The following CDKL4 variants were observed in gnomAD, a reference collection of about 807,000 sequenced individuals.
The protein encoded by CDKL4 is cyclin-dependent kinase-like 4.
Under a neutral mutation model 42.0 loss-of-function variants are expected in CDKL4, and 44 were observed. The ratio of observed to expected loss-of-function variants is 1.05; its 90% CI spans 0.82 to 1.35. CDKL4 has a LOEUF of 1.35. Ranked by LOEUF, CDKL4 falls within the 40% of genes most tolerant of loss-of-function variation. The probability of loss-of-function intolerance (pLI) is 0.00; values close to 1 mark genes in which losing one functional copy is unlikely to be tolerated. For missense variants in CDKL4, 393 were observed against 369.9 expected (o/e 1.06, Z -0.51); for synonymous variants, 120 against 121.6 (o/e 0.99, Z 0.09).
At chr2:39,176,257 A>G (rs1675162397) in intron 9 of CDKL4, among the ~76,000 whole-genome samples, 161 bp from the exon 10 acceptor site, 1 of 152,200 alleles carries the variant, frequency 6.6e-6, no homozygotes, top group African/African-American at 2.4e-5. Context: ...AAAAATTGAG[A>G]TTCTCTGATA....
At chr2:39,176,587 C>T (rs1476550304) in intron 9 of CDKL4, among the ~76,000 whole-genome samples, 1 of 152,166 alleles carries the variant, frequency 6.6e-6, no homozygotes, top group Non-Finnish European at 1.5e-5. Context: ...GTGTGAGCCA[C>T]CATGCCCAGC....
At chr2:39,220,976 C>CTTTTTTTTTTTTTTTTTTTTTTGTTT (rs1678290106) in intron 3 of CDKL4, among the ~76,000 whole-genome samples, 1 of 49,146 alleles carries the variant, frequency 2.0e-5, no homozygotes, top group African/African-American at 7.3e-5. Context: ...CATCGACGAT[C>CTTTTTTTTTTTTTTTTTTTTTTGTTT]TTTTTTTTTT....
chr2:39,185,148 GTATA>G (rs761361219), intron 7 of CDKL4, among the ~76,000 whole-genome samples: 1 of 129,612 alleles, frequency 7.7e-6, no homozygotes, highest in African/African-American at 2.9e-5. Context: ...ATATATATGT[GTATA>G]TATATACACA....
At chr2:39,171,273 AT>A (rs1249179809), downstream of CDKL4, among the ~76,000 whole-genome samples, 1 of 151,988 alleles carries the variant, frequency 6.6e-6, no homozygotes. Context: ...TAACCTTAAT[AT>A]TGTGGTTGGG....
chr2:39,239,596 A>G (rs1679548849), intron 1 of CDKL4, among the ~76,000 whole-genome samples: 1 of 152,260 alleles, frequency 6.6e-6, no homozygotes, highest in African/African-American at 2.4e-5. Context: ...TACTAAGCAC[A>G]TGAAAGGATG....
chr2:39,209,900 A>G (rs1015625255), intron 4 of CDKL4, among the ~76,000 whole-genome samples: 1 of 152,222 alleles, frequency 6.6e-6, no homozygotes, highest in Non-Finnish European at 1.5e-5. Flanking sequence ...AAGCATTTTA[A>G]TTATAGATAA....
At chr2:39,175,282 G>C (rs1675119480), downstream of CDKL4, among the ~76,000 whole-genome samples, 1 of 152,218 alleles carries the variant, frequency 6.6e-6, no homozygotes, top group Non-Finnish European at 1.5e-5. Context: ...ATAAGGAATG[G>C]TGATATAGCA....
At chr2:39,177,042 G>A (rs1675194358) in intron 9 of CDKL4, among the ~76,000 whole-genome samples, 1 of 152,132 alleles carries the variant, frequency 6.6e-6, no homozygotes, top group Non-Finnish European at 1.5e-5. Flanking sequence ...GAGGTGGATA[G>A]AATGCAGTTT....
At chr2:39,203,721 T>C (rs1676990959) in intron 5 of CDKL4, among the ~76,000 whole-genome samples, 2 of 152,236 alleles carry the variant, frequency 1.3e-5, no homozygotes, top group Non-Finnish European at 1.5e-5. Context: ...CATGGTACTA[T>C]GTGCCGCGTT....
intron 1 of CDKL4, among the ~76,000 whole-genome samples, chr2:39,234,377 T>C (rs1199129284): frequency 2.0e-5 from 3 of 151,888 alleles, no homozygotes; most frequent in African/African-American, 4.8e-5. Flanking sequence ...CAAGTGAAAA[T>C]TTGATTGGGG....
At chr2:39,177,584 T>C (rs1461962517) in intron 9 of CDKL4, among the ~76,000 whole-genome samples, 1 of 151,408 alleles carries the variant, frequency 6.6e-6, no homozygotes, top group African/African-American at 2.4e-5. Flanking sequence ...TTTGTATTTT[T>C]AGTAGAGATG....
chr2:39,224,193 T>G (rs541456192), intron 3 of CDKL4, among the ~76,000 whole-genome samples: 1 of 152,092 alleles, frequency 6.6e-6, no homozygotes, highest in African/African-American at 2.4e-5. Flanking sequence ...TCAAAGGGAG[T>G]CTCTTAAACT....
chr2:39,226,852 C>G (rs1393989375), intron 2 of CDKL4, among the ~76,000 whole-genome samples: 2 of 151,886 alleles, frequency 1.3e-5, no homozygotes, highest in African/African-American at 4.8e-5. Flanking sequence ...CTACAACCTC[C>G]GCCTCCTGGT....
intron 1 of CDKL4, among the ~76,000 whole-genome samples, chr2:39,243,596 G>C (rs566069449): frequency 6.6e-6 from 1 of 152,358 alleles, no homozygotes; most frequent in Non-Finnish European, 1.5e-5. Context: ...GCCATAGGTA[G>C]GCCTCCGCCT....
chr2:39,226,864 C>T (rs1297439102), intron 2 of CDKL4, among the ~76,000 whole-genome samples: 1 of 151,826 alleles, frequency 6.6e-6, no homozygotes, highest in Non-Finnish European at 1.5e-5. Flanking sequence ...CCTCCTGGTT[C>T]CAAGTGATGC....
intron 6 of CDKL4, among the ~76,000 whole-genome samples, chr2:39,188,079 A>AAAAC (rs199769008): frequency 1.0e-3 from 155 of 152,118 alleles, no homozygotes; most frequent in Non-Finnish European, 1.8e-3. Flanking sequence ...AAAACAAAAC[A>AAAAC]AAACAAACAA....
At chr2:39,209,466 G>A (rs1367699263) in intron 4 of CDKL4, among the ~76,000 whole-genome samples, 1 of 152,200 alleles carries the variant, frequency 6.6e-6, no homozygotes, top group Non-Finnish European at 1.5e-5. Flanking sequence ...TAGGGTAAAA[G>A]AGAACCAAAT....
intron 5 of CDKL4, among the ~76,000 whole-genome samples, chr2:39,202,711 G>A (rs1377037698): frequency 1.3e-5 from 2 of 152,084 alleles, no homozygotes; most frequent in South Asian, 2.1e-4. Flanking sequence ...TATAATGTAA[G>A]GTAAAGGTCC....
chr2:39,209,317 GAAA>G (rs11372337), intron 4 of CDKL4, among the ~76,000 whole-genome samples: 2 of 137,286 alleles, frequency 1.5e-5, no homozygotes, highest in Non-Finnish European at 1.5e-5. Context: ...GTCTCAGGAA[GAAA>G]AAAAAAAAAA....
Sources: allele counts gnomAD v4.1 joint callset (sites outside exome capture counted in the v4.1 genomes callset), GRCh38; gene constraint gnomAD v4.1.1; transcripts MANE v1.5; gene names NCBI Gene and HGNC (gene_info 2026-07-23, HGNC 2026-07-21).